Variants in RSRC1 observed in about 807,000 individuals in gnomAD.
RSRC1 encodes arginine and serine rich coiled-coil 1.
A neutral mutation model predicts 49.1 loss-of-function variants in RSRC1; 39 were observed. The observed-to-expected ratio is 0.79, with a 90% confidence interval of 0.61 to 1.04. The LOEUF is 1.04. RSRC1 is among the 50% of genes least tolerant of loss of function. The pLI is 0.00. For missense variants in RSRC1, 388 were observed against 402.4 expected, an observed-to-expected ratio of 0.96 and a Z score of 0.31; for synonymous variants, 143 against 130.8, an observed-to-expected ratio of 1.09 and a Z score of -0.63.
chr3:158,413,059 C>T (rs1181632024), intron 6 of RSRC1, among the ~76,000 whole-genome samples: 1 of 152,082 alleles, frequency 6.6e-6, no homozygotes, highest in East Asian at 1.9e-4. Context: ...AAGAACAAAG[C>T]TGAAGGAATC....
intron 6 of RSRC1, among the ~76,000 whole-genome samples, chr3:158,460,313 G>T (rs962859162): frequency 2.0e-5 from 3 of 151,768 alleles, no homozygotes; most frequent in African/African-American, 4.8e-5. Context: ...ATAGTCCCTT[G>T]TTACTGTGCT....
chr3:158,257,834 T>A (rs144311049), intron 4 of RSRC1, among the ~76,000 whole-genome samples: 83 of 152,284 alleles, frequency 5.5e-4, no homozygotes, highest in African/African-American at 1.9e-3. Flanking sequence ...ACCATGAGGC[T>A]TGAAAATAAT....
intron 5 of RSRC1, among the ~76,000 whole-genome samples, chr3:158,314,474 A>G (rs1400703515): frequency 6.6e-6 from 1 of 152,150 alleles, no homozygotes; most frequent in Non-Finnish European, 1.5e-5. Context: ...GTTAAATGAA[A>G]ATATGCTAAA....
At chr3:158,405,062 T>G (rs760341431) in intron 6 of RSRC1, among the ~76,000 whole-genome samples, 1 of 152,048 alleles carries the variant, frequency 6.6e-6, no homozygotes, top group Non-Finnish European at 1.5e-5. Flanking sequence ...TAAAGCTTAT[T>G]CTGGTAGAGA....
intron 3 of RSRC1, among the ~76,000 whole-genome samples, chr3:158,130,071 T>G (rs1472030682): frequency 1.3e-5 from 2 of 152,298 alleles, no homozygotes; most frequent in Middle Eastern, 3.4e-3. Flanking sequence ...AGGTTAGAGA[T>G]CAGGGTGACA....
At chr3:158,123,072 C>T (rs924086041) in intron 2 of RSRC1, among the ~76,000 whole-genome samples, 4 of 152,178 alleles carry the variant, frequency 2.6e-5, no homozygotes, top group Admixed American at 1.3e-4. Flanking sequence ...AGTACAATGG[C>T]GTGATCTCAG....
At chr3:158,339,298 CAAAAAAAAAAAAA>C (rs57120150) in intron 5 of RSRC1, among the ~76,000 whole-genome samples, 7 of 73,816 alleles carry the variant, frequency 9.5e-5, no homozygotes, top group African/African-American at 1.6e-4. Context: ...GACTCCGTCT[CAAAAAAAAAAAAA>C]AAAAAAAAAA....
chr3:158,295,099 G>GC (rs1411337177), intron 4 of RSRC1, among the ~76,000 whole-genome samples: 2 of 152,132 alleles, frequency 1.3e-5, no homozygotes, highest in Non-Finnish European at 2.9e-5. Context: ...GATGGGACAT[G>GC]CCCCGAGTGT....
intron 4 of RSRC1, among the ~76,000 whole-genome samples, chr3:158,211,878 G>A (rs1023291878): frequency 1.3e-5 from 2 of 151,828 alleles, no homozygotes; most frequent in African/African-American, 4.8e-5. Flanking sequence ...GTGATTACCA[G>A]TTTCTCAACT....
At chr3:158,283,668 A>G (rs1006087885) in intron 4 of RSRC1, among the ~76,000 whole-genome samples, 2 of 152,168 alleles carry the variant, frequency 1.3e-5, no homozygotes, top group African/African-American at 2.4e-5. Context: ...ATTAAATACA[A>G]TGGAGTGATT....
At chr3:158,460,870 A>G (rs985500515) in intron 6 of RSRC1, 65 bp from the exon 7 acceptor site, 5 of 1,052,278 alleles carry the variant, frequency 4.8e-6, no homozygotes, top group Non-Finnish European at 6.8e-6. Context: ...AGTCCCTTTA[A>G]CCAATATTTT....
At chr3:158,521,713 C>T (rs1711687612) in intron 7 of RSRC1, among the ~76,000 whole-genome samples, 1 of 151,960 alleles carries the variant, frequency 6.6e-6, no homozygotes, top group South Asian at 2.1e-4. Flanking sequence ...AATTTTATGA[C>T]TTAAAGCATT....
chr3:158,465,532 A>G (rs1264382842), intron 7 of RSRC1, among the ~76,000 whole-genome samples: 1 of 152,196 alleles, frequency 6.6e-6, no homozygotes, highest in Non-Finnish European at 1.5e-5. Context: ...CAAGGGCATC[A>G]TTTAGGAATC....
chr3:158,313,105 T>G (rs2108148087), intron 5 of RSRC1, among the ~76,000 whole-genome samples: 1 of 151,878 alleles, frequency 6.6e-6, no homozygotes, highest in South Asian at 2.1e-4. Context: ...ACCTCCCCCC[T>G]CCCCTCACCC....
intron 6 of RSRC1, among the ~76,000 whole-genome samples, chr3:158,424,795 G>C (rs1377220698): frequency 1.3e-5 from 2 of 151,600 alleles, no homozygotes; most frequent in Non-Finnish European, 2.9e-5. Flanking sequence ...ACTTCTTCCT[G>C]GCTTAGTCTT....
At chr3:158,390,210 C>T (rs542209393) in intron 6 of RSRC1, among the ~76,000 whole-genome samples, 1 of 152,146 alleles carries the variant, frequency 6.6e-6, no homozygotes, top group South Asian at 2.1e-4. Context: ...AAGGTCAGGG[C>T]CAAAAGGAAA....
chr3:158,301,057 C>G (rs1050561108), intron 5 of RSRC1, among the ~76,000 whole-genome samples: 2 of 152,128 alleles, frequency 1.3e-5, no homozygotes, highest in African/African-American at 4.8e-5. Context: ...GTCTCTTAGA[C>G]CACTGATTCA....
At position 158,171,453 on chromosome 3, in the gene RSRC1, G is replaced by A. The variant is rs1226901157; in HGVS notation, c.321-31619G>A. ...GGAACTATTAGATGATGACTTTAAA[G>A]TAGCTATTACAAGTGTGTCCTCCAG... On this transcript the variant is annotated intron_variant, in intron 3 of 9. Transcript: ENST00000611884. 3.3e-5 allele frequency among the ~76,000 whole-genome samples: 5 copies of A among 152,180 alleles called. No homozygotes were observed. The East Asian group carries it at 9.6e-4, about 29-fold the overall frequency.
chr3:158,474,020 T>C (rs1578522435), intron 7 of RSRC1, among the ~76,000 whole-genome samples: 1 of 152,324 alleles, frequency 6.6e-6, no homozygotes, highest in African/African-American at 2.4e-5. Flanking sequence ...GTAGGTGATA[T>C]ATTTCTTCAC....
Sources: gnomAD v4.1 joint callset for allele counts (sites outside exome capture counted in the v4.1 genomes callset) on GRCh38, gnomAD v4.1.1 for gene constraint, MANE v1.5 for transcripts, NCBI Gene and HGNC (gene_info 2026-07-23, HGNC 2026-07-21) for gene names.